Variants in KCTD16 observed in about 807,000 individuals in gnomAD.
The protein encoded by KCTD16 is BTB/POZ domain-containing protein KCTD16.
KCTD16 carries 13 observed loss-of-function variants against 33.2 expected under a neutral mutation model. The ratio of observed to expected loss-of-function variants is 0.39; its 90% confidence interval spans 0.25 to 0.62. KCTD16 has a LOEUF of 0.62. Among genes scored for constraint, KCTD16 ranks in the 20% least tolerant of loss-of-function variants. The pLI, the probability that KCTD16 is intolerant of heterozygous loss-of-function variation, is 0.50. For missense variants in KCTD16, 441 were observed against 525.1 expected, an observed-to-expected ratio of 0.84 and a Z score of 1.57; for synonymous variants, 197 against 195.3, an observed-to-expected ratio of 1.01 and a Z score of -0.07.
intron 3 of KCTD16, among the ~76,000 whole-genome samples, chr5:144,278,277 C>A (rs1755493793): frequency 6.6e-6 from 1 of 151,824 alleles, no homozygotes; most frequent in Non-Finnish European, 1.5e-5. Flanking sequence ...TATTTCTTCT[C>A]TAGAGATTTT....
chr5:144,332,115 A>T (rs578185855), intron 3 of KCTD16, among the ~76,000 whole-genome samples: 1 of 152,190 alleles, frequency 6.6e-6, no homozygotes, highest in Non-Finnish European at 1.5e-5. Flanking sequence ...CTCTAAAATG[A>T]CAAAAGAGGA....
intron 3 of KCTD16, among the ~76,000 whole-genome samples, chr5:144,408,224 G>A (rs763685352): frequency 2.0e-5 from 3 of 152,144 alleles, no homozygotes; most frequent in Non-Finnish European, 2.9e-5. Context: ...TTGTTTAACT[G>A]GGAAAAAAGC....
At chr5:144,319,080 G>T (rs1054167035) in intron 3 of KCTD16, among the ~76,000 whole-genome samples, 13 of 151,882 alleles carry the variant, frequency 8.6e-5, no homozygotes, top group African/African-American at 2.4e-4. Flanking sequence ...CTGATACATA[G>T]TAAGTGCTTA....
chr5:144,205,432 C>T (rs1753140102), intron 2 of KCTD16: 3 of 398,312 alleles, frequency 7.5e-6, no homozygotes, highest in Admixed American at 4.4e-5. Flanking sequence ...CCAGCTCCGC[C>T]GCCAGAGAAG....
At chr5:144,190,525 G>C (rs1752820160) in intron 2 of KCTD16, among the ~76,000 whole-genome samples, 1 of 152,136 alleles carries the variant, frequency 6.6e-6, no homozygotes, top group African/African-American at 2.4e-5. Context: ...TCAGTAATTG[G>C]TATCTATTAT....
intron 3 of KCTD16, among the ~76,000 whole-genome samples, chr5:144,292,311 T>C (rs2080992): frequency 0.03 from 4,628 of 152,304 alleles, 97 homozygotes; most frequent in Middle Eastern, 0.061. Flanking sequence ...CAGGATACTA[T>C]TGAGCAGAGC....
In KCTD16 at chr5:144,221,872, C is replaced by T. The variant is rs184439959; in HGVS notation, c.832+14326C>T. On this transcript the variant is annotated intron_variant, in intron 3 of 3. Coordinates refer to ENST00000512467, the MANE Select transcript of KCTD16 (RefSeq NM_020768.4). ...CTTCCACAATGGTTGAACTAATTTACACTCCCATCAACAGTGTAAAAGTGT... is the reference window on the plus strand; with the variant it reads ...CTTCCACAATGGTTGAACTAATTTATACTCCCATCAACAGTGTAAAAGTGT... 5.6e-4 allele frequency among the ~76,000 whole-genome samples: 85 copies of T among 152,310 alleles called. 1 individual carries two copies. The East Asian group carries it at 0.012, about 21-fold the overall frequency.
rs1754767014 is a variant in KCTD16 at position 144,484,635 on chromosome 5, C to A, written c.*10521C>A. On this transcript the variant is annotated 3_prime_UTR_variant, in exon 4 of 4. Coordinates refer to ENST00000512467, the MANE Select transcript of KCTD16 (RefSeq NM_020768.4). ...CTCCTTGTGACATCTGTTTCTGATG[C>A]TGTGAATGTGATGTCACCACAAATA... 6.6e-6 allele frequency: 1 copy of A among 151,968 alleles called. No individual in the cohort carries two copies. Among genetic ancestry groups the A allele is most frequent in the African/African-American group, 2.4e-5 (1 of 41,410 alleles). 9.4% of individuals were successfully genotyped at this position (151,968 alleles called of 1,614,324 possible).
intron 3 of KCTD16, among the ~76,000 whole-genome samples, chr5:144,363,564 A>C (rs1381809192): frequency 6.6e-6 from 1 of 151,920 alleles, no homozygotes; most frequent in Non-Finnish European, 1.5e-5. Flanking sequence ...ATTCTCCCCT[A>C]GGATATGAAT....
At chr5:144,278,539 G>T (rs528834402) in intron 3 of KCTD16, among the ~76,000 whole-genome samples, 1 of 134,602 alleles carries the variant, frequency 7.4e-6, no homozygotes, top group African/African-American at 2.8e-5. Context: ...CGCCCAGGCC[G>T]GACTGCGGAC....
intron 3 of KCTD16, among the ~76,000 whole-genome samples, chr5:144,453,337 A>G (rs1371973499): frequency 2.0e-5 from 3 of 152,080 alleles, no homozygotes; most frequent in African/African-American, 4.8e-5. Flanking sequence ...GATCCTAAGT[A>G]TGAGTTGATC....
rs186111575 is a variant in KCTD16, at chr5:144,475,995, G to A, written c.*1881G>A. The A allele has an allele frequency of 1.3e-5, 2 of 152,286 alleles. No individual in the cohort carries two copies. The highest frequency in any genetic ancestry group is 3.9e-4 in the East Asian group (2 of 5,180). The allele number at this position is 152,286 out of a possible 1,614,324, so 9.4% of individuals were successfully genotyped here. ...AGTTGTCAAGAGAATTATAATTTAT[G>A]AATTTAAGTGGTATTCTTTTCTGTA... On this transcript the variant is annotated 3_prime_UTR_variant, in exon 4 of 4. Transcript: ENST00000512467.
At chr5:144,393,703 T>C (rs1752501531) in intron 3 of KCTD16, among the ~76,000 whole-genome samples, 2 of 152,116 alleles carry the variant, frequency 1.3e-5, no homozygotes, top group African/African-American at 4.8e-5. Flanking sequence ...TTTAAAGCAT[T>C]GGCCTATTCC....
intron 3 of KCTD16, among the ~76,000 whole-genome samples, chr5:144,291,803 A>G (rs1401945835): frequency 6.6e-6 from 1 of 152,210 alleles, no homozygotes; most frequent in Non-Finnish European, 1.5e-5. Flanking sequence ...CATTTATTTT[A>G]ATTATGAATG....
At chr5:144,446,174 G>A (rs1467975934) in intron 3 of KCTD16, among the ~76,000 whole-genome samples, 2 of 151,840 alleles carry the variant, frequency 1.3e-5, no homozygotes, top group African/African-American at 4.8e-5. Flanking sequence ...CTGTTAGTTA[G>A]TTGGTTGATT....
chr5:144,223,486 C>A (rs902238808), intron 3 of KCTD16, among the ~76,000 whole-genome samples: 9 of 152,046 alleles, frequency 5.9e-5, no homozygotes, highest in African/African-American at 2.2e-4. Flanking sequence ...AGTTCAGTAT[C>A]ATACATCCAA....
chr5:144,385,795 G>A (rs1381655602), intron 3 of KCTD16, among the ~76,000 whole-genome samples: 1 of 152,288 alleles, frequency 6.6e-6, no homozygotes. Context: ...TTAAGAGTAT[G>A]TGTGTCTTGT....
chr5:144,348,993 CTTCTCAGTTTTTTGCT>C (rs1192601077), intron 3 of KCTD16, among the ~76,000 whole-genome samples: 3 of 152,040 alleles, frequency 2.0e-5, no homozygotes, highest in African/African-American at 7.2e-5. Context: ...TAGGTGAGGG[CTTCTCAGTTTTTTGCT>C]TTCAAAGCTG....
intron 3 of KCTD16, among the ~76,000 whole-genome samples, chr5:144,414,852 T>C (rs1312214226): frequency 6.6e-6 from 1 of 152,194 alleles, no homozygotes; most frequent in Non-Finnish European, 1.5e-5. Flanking sequence ...TTCGTGTGTC[T>C]GCAGCAATTG....
Sources: gnomAD v4.1 joint callset for allele counts (sites outside exome capture counted in the v4.1 genomes callset) on GRCh38, gnomAD v4.1.1 for gene constraint, MANE v1.5 for transcripts, NCBI Gene and HGNC (gene_info 2026-07-23, HGNC 2026-07-21) for gene names.